KATNAL1: variants seen among roughly 807,000 people sequenced by gnomAD.
KATNAL1 encodes the protein katanin catalytic subunit A1 like 1, also known as katanin p60 ATPase-containing subunit A-like 1.
A neutral mutation model predicts 55.2 loss-of-function variants in KATNAL1; 32 were observed. The ratio of observed to expected loss-of-function variants is 0.58; its 90% CI spans 0.44 to 0.78. The LOEUF is 0.78. Among genes scored for constraint, KATNAL1 ranks in the 30% least tolerant of loss-of-function variants. The pLI is 0.00. For missense variants in KATNAL1, 466 were observed against 600.9 expected, an observed-to-expected ratio of 0.78 and a Z score of 2.35; for synonymous variants, 193 against 193.6, an observed-to-expected ratio of 1.00 and a Z score of 0.02.
intron 4 of KATNAL1, among the ~76,000 whole-genome samples, chr13:30,242,488 T>C (rs1181222564): frequency 6.6e-6 from 1 of 152,188 alleles, no homozygotes; most frequent in Non-Finnish European, 1.5e-5. Context: ...ATCAAGCATC[T>C]AGTCTAGTGG....
intron 1 of KATNAL1, among the ~76,000 whole-genome samples, chr13:30,301,186 G>A (rs1882829521): frequency 6.6e-6 from 1 of 152,108 alleles, no homozygotes; most frequent in African/African-American, 2.4e-5. Flanking sequence ...TGGCCAACAT[G>A]GCAAAACCCC....
intron 3 of KATNAL1, among the ~76,000 whole-genome samples, chr13:30,269,925 C>T (rs1235251028): frequency 3.3e-5 from 5 of 151,346 alleles, no homozygotes; most frequent in Non-Finnish European, 5.9e-5. Context: ...CCCGGCCAGC[C>T]GCCCCGTCCG....
chr13:30,210,734 C>A (rs187721458), intron 9 of KATNAL1: 1 of 207,922 alleles, frequency 4.8e-6, no homozygotes, highest in South Asian at 1.9e-4. Context: ...AACAAAGAAT[C>A]TGAGATTCTT....
chr13:30,293,445 C>T (rs144691372), intron 1 of KATNAL1, among the ~76,000 whole-genome samples: 2,576 of 152,234 alleles, frequency 0.017, 34 homozygotes, highest in Middle Eastern at 0.044. Context: ...CCAGAAGGAT[C>T]CTTCATCCCT....
At chr13:30,277,982 CAAAAAAAAAAAAAAA>C (rs55683675) in intron 3 of KATNAL1, among the ~76,000 whole-genome samples, 9 of 61,324 alleles carry the variant, frequency 1.5e-4, no homozygotes, top group Admixed American at 4.5e-4. Context: ...GACTCCGTCT[CAAAAAAAAAAAAAAA>C]AAAAAAAAAA....
rs192230306 is a variant in KATNAL1 at position 30,306,997 on chromosome 13, T to C, written c.-15+334A>G. 8.2e-3 allele frequency: 1,130 copies of C among 137,216 alleles called. 5 individuals are homozygous for C. The highest frequency in any genetic ancestry group is 0.014 in the Non-Finnish European group (888 of 64,230). The allele number at this position is 137,216 out of a possible 1,614,324, so 8.5% of individuals were successfully genotyped here. On this transcript the variant is annotated intron_variant, in intron 1 of 10. Transcript: ENST00000380615. Reference sequence around the variant, plus strand: ...GGTCCGCGACCACTCAACAGCCCCCTCAAGACAAAGAGAGATTTTTTTTTC... The same window carrying C: ...GGTCCGCGACCACTCAACAGCCCCCCCAAGACAAAGAGAGATTTTTTTTTC...
At chr13:30,296,484 G>A (rs778436760) in intron 1 of KATNAL1, 13 of 714,428 alleles carry the variant, frequency 1.8e-5, no homozygotes, top group Admixed American at 3.6e-5. Context: ...TGAGGATTAC[G>A]GTGAGCTGAA....
rs1431941328 is a variant in KATNAL1, at chr13:30,202,642, CTCTATAAAT to C, written c.*5889_*5897del. On this transcript the variant is annotated 3_prime_UTR_variant, in exon 11 of 11. Transcript: ENST00000380615. Reference sequence around the variant, plus strand: ...ACAAAGAAAGCGATGACAACCAACACTCTATAAATTTATTACCAAATATAACCTATGCAC... The same window carrying C: ...ACAAAGAAAGCGATGACAACCAACACTTATTACCAAATATAACCTATGCAC... 3 of 152,280 alleles carry C rather than the reference CTCTATAAAT, an allele frequency of 2.0e-5. No homozygotes were observed. The highest frequency in any genetic ancestry group is 7.2e-5 in the African/African-American group (3 of 41,556). The allele number at this position is 152,280 out of a possible 1,614,324, so 9.4% of individuals were successfully genotyped here.
intron 3 of KATNAL1, among the ~76,000 whole-genome samples, chr13:30,270,363 C>T (rs1311543929): frequency 6.6e-6 from 1 of 151,906 alleles, no homozygotes; most frequent in Non-Finnish European, 1.5e-5. Context: ...TCTGCCCGGC[C>T]TCCCCTACTG....
chr13:30,282,872 G>A (rs1234468651), intron 2 of KATNAL1, among the ~76,000 whole-genome samples: 5 of 148,644 alleles, frequency 3.4e-5, no homozygotes, highest in Non-Finnish European at 7.4e-5. Context: ...GGAGAATGGC[G>A]TGAACCCGGG....
chr13:30,271,101 G>T (rs1222562547), intron 3 of KATNAL1, among the ~76,000 whole-genome samples: 3 of 152,178 alleles, frequency 2.0e-5, no homozygotes, highest in Non-Finnish European at 2.9e-5. Flanking sequence ...GTAAGGGATA[G>T]GCAATGAAAA....
intron 4 of KATNAL1, among the ~76,000 whole-genome samples, chr13:30,248,953 G>C (rs1221394921): frequency 2.6e-5 from 4 of 152,190 alleles, no homozygotes; most frequent in Admixed American, 2.0e-4. Context: ...CAGCTACTCA[G>C]GAGGCTGAGG....
chr13:30,253,216 G>C (rs977200021), intron 4 of KATNAL1, among the ~76,000 whole-genome samples: 8 of 152,060 alleles, frequency 5.3e-5, no homozygotes, highest in African/African-American at 1.9e-4. Context: ...CCTTTCAAAG[G>C]CTTATGAAGT....
At chr13:30,248,617 T>C (rs6490447) in intron 4 of KATNAL1, among the ~76,000 whole-genome samples, 1,535 of 152,288 alleles carry the variant, frequency 0.01, 25 homozygotes, top group African/African-American at 0.034. Flanking sequence ...CAATGAGATA[T>C]GATTATACCT....
chr13:30,226,314 A>G (rs1404599044), intron 9 of KATNAL1, among the ~76,000 whole-genome samples: 1 of 152,214 alleles, frequency 6.6e-6, no homozygotes. Context: ...CATAAAAAAG[A>G]TACGTACCAG....
At chr13:30,269,364 G>A (rs894088676) in intron 3 of KATNAL1, among the ~76,000 whole-genome samples, 2 of 152,252 alleles carry the variant, frequency 1.3e-5, no homozygotes, top group African/African-American at 2.4e-5. Flanking sequence ...GATTGCAGAC[G>A]GAGTCTGGTT....
chr13:30,286,959 C>G (rs573476762), intron 1 of KATNAL1, among the ~76,000 whole-genome samples: 130 of 152,262 alleles, frequency 8.5e-4, no homozygotes, highest in African/African-American at 3.1e-3. Flanking sequence ...GGCCTATATC[C>G]CTTTGTTTTA....
chr13:30,298,252 AAATAAATAAACTCATATGGTAT>A (rs1443229293), intron 1 of KATNAL1, among the ~76,000 whole-genome samples: 13 of 152,226 alleles, frequency 8.5e-5, no homozygotes, highest in Non-Finnish European at 1.6e-4. Context: ...CTAGAATGCA[AAATAAATAAACTCATATGGTAT>A]ATACTCTGAT....
At chr13:30,216,835 A>C (rs1874308160) in intron 9 of KATNAL1, among the ~76,000 whole-genome samples, 1 of 152,248 alleles carries the variant, frequency 6.6e-6, no homozygotes, top group Non-Finnish European at 1.5e-5. Context: ...GACAATGAAC[A>C]AATACCCCTT....
Sources: gnomAD v4.1 joint callset for allele counts (sites outside exome capture counted in the v4.1 genomes callset) on GRCh38, gnomAD v4.1.1 for gene constraint, MANE v1.5 for transcripts, NCBI Gene and HGNC (gene_info 2026-07-23, HGNC 2026-07-21) for gene names.